ACCSL: variants seen among roughly 807,000 people sequenced by gnomAD.
The protein encoded by ACCSL is 1-aminocyclopropane-1-carboxylate synthase homolog (inactive) like, also known as probable inactive 1-aminocyclopropane-1-carboxylate synthase-like protein 2.
ACCSL carries 55 observed loss-of-function variants against 61.7 expected under a neutral mutation model. That is an observed-to-expected ratio of 0.89 (90% CI 0.72 to 1.12). ACCSL has a LOEUF of 1.12. ACCSL is among the 50% of genes most tolerant of loss of function. The probability of loss-of-function intolerance (pLI) is 0.00; values close to 1 mark genes in which losing one functional copy is unlikely to be tolerated. For missense variants in ACCSL, 632 were observed against 698.0 expected (o/e 0.91, Z 1.07); for synonymous variants, 258 against 264.3 (o/e 0.98, Z 0.23).
At chr11:43,959,054 G>T in the ACCSL span, among the ~76,000 whole-genome samples, 372 of 152,206 alleles carry the variant, frequency 2.4e-3, 2 homozygotes, top group African/African-American at 8.7e-3. Context: ...ATCCATGAAG[G>T]TGGAGCCCTC....
upstream of ACCSL, chr11:44,047,935 T>G: frequency 7.0e-7 from 1 of 1,424,830 alleles, no homozygotes; most frequent in Non-Finnish European, 9.4e-7. Context: ...CATCCATTCC[T>G]GGACCTGAGG....
chr11:44,058,256 G>A, intron 11 of ACCSL, 61 bp from the exon 12 acceptor site: 2 of 1,564,060 alleles, frequency 1.3e-6, no homozygotes, highest in African/African-American at 1.4e-5. Flanking sequence ...CATTTGGGAA[G>A]GAACTCTCGG....
At chr11:43,991,957 C>G in the ACCSL span, among the ~76,000 whole-genome samples, 3 of 152,098 alleles carry the variant, frequency 2.0e-5, no homozygotes, top group African/African-American at 7.2e-5. Context: ...TATCTGGGAA[C>G]TTAAGCCCCC....
the ACCSL span, among the ~76,000 whole-genome samples, chr11:43,927,121 T>C: frequency 6.6e-6 from 1 of 152,274 alleles, no homozygotes; most frequent in Non-Finnish European, 1.5e-5. Flanking sequence ...AATTACCATC[T>C]TACTGAACTA....
the ACCSL span, among the ~76,000 whole-genome samples, chr11:44,037,113 T>C: frequency 6.6e-6 from 1 of 152,206 alleles, no homozygotes; most frequent in African/African-American, 2.4e-5. Context: ...ACTGCCTACC[T>C]CCACCTTTCC....
At chr11:44,058,816 T>C in intron 13 of ACCSL, 117 bp downstream of exon 13, 1 of 1,267,164 alleles carries the variant, frequency 7.9e-7, no homozygotes, top group Non-Finnish European at 1.1e-6. Context: ...CCTGTTTCCA[T>C]GTCTATCTTT....
the ACCSL span, among the ~76,000 whole-genome samples, chr11:43,977,058 A>G: frequency 6.6e-6 from 1 of 152,230 alleles, no homozygotes; most frequent in Non-Finnish European, 1.5e-5. Context: ...CACTGTGTTC[A>G]GGCATTCCTA....
At chr11:43,944,782 T>C in the ACCSL span, 1 of 152,430 alleles carries the variant, frequency 6.6e-6, no homozygotes, top group Admixed American at 6.5e-5. Flanking sequence ...TGGCTGCAGA[T>C]GGCCACCAAG....
the ACCSL span, among the ~76,000 whole-genome samples, chr11:43,989,256 A>G: frequency 6.6e-6 from 1 of 152,150 alleles, no homozygotes; most frequent in Non-Finnish European, 1.5e-5. Context: ...CTCACCTGTG[A>G]GATGATGACG....
At chr11:43,926,069 T>A in the ACCSL span, among the ~76,000 whole-genome samples, 1 of 152,022 alleles carries the variant, frequency 6.6e-6, no homozygotes, top group Non-Finnish European at 1.5e-5. Context: ...TCAGCAAGGG[T>A]TGGGGAGTGG....
the ACCSL span, among the ~76,000 whole-genome samples, chr11:43,938,675 C>T: frequency 5.3e-5 from 8 of 152,124 alleles, no homozygotes; most frequent in East Asian, 7.7e-4. Flanking sequence ...TGGTGGTGCA[C>T]GCCTGTAATC....
the ACCSL span, among the ~76,000 whole-genome samples, chr11:44,007,041 C>A: frequency 5.0e-4 from 76 of 152,232 alleles, no homozygotes; most frequent in African/African-American, 1.6e-3. Context: ...ACCAACACTA[C>A]CCCCGGGGGC....
intron 11 of ACCSL, 37 bp from the exon 12 acceptor site, chr11:44,058,280 T>C (rs1482672375): frequency 6.2e-7 from 1 of 1,609,002 alleles, no homozygotes; most frequent in Non-Finnish European, 8.5e-7. Context: ...ATTTCTGTAG[T>C]AATATCTGTG....
At chr11:44,052,885 T>G (rs1952648448) in intron 6 of ACCSL, 106 bp from the exon 7 acceptor site, 2 of 1,443,526 alleles carry the variant, frequency 1.4e-6, no homozygotes, top group African/African-American at 1.4e-5. Context: ...AGAAGGCATG[T>G]GGACTGGCAC....
At chr11:43,975,311 T>C in the ACCSL span, among the ~76,000 whole-genome samples, 1 of 152,256 alleles carries the variant, frequency 6.6e-6, no homozygotes, top group Admixed American at 6.5e-5. Flanking sequence ...CAAACAATGC[T>C]AAAAGTAAGA....
At chr11:44,015,580 A>G in the ACCSL span, among the ~76,000 whole-genome samples, 3 of 152,210 alleles carry the variant, frequency 2.0e-5, no homozygotes, top group African/African-American at 7.2e-5. Context: ...GGGGAGCAGA[A>G]CCCACACCAA....
At chr11:44,024,441 CTGTGTGTG>C in the ACCSL span, among the ~76,000 whole-genome samples, 11,134 of 131,904 alleles carry the variant, frequency 0.084, 472 homozygotes, top group Non-Finnish European at 0.11. Flanking sequence ...CTCTCTCTCT[CTGTGTGTG>C]TGTGTGTGTG....
the ACCSL span, among the ~76,000 whole-genome samples, chr11:43,925,806 G>T: frequency 5.3e-4 from 80 of 152,256 alleles, no homozygotes; most frequent in African/African-American, 1.7e-3. Context: ...CTCCAAGCCT[G>T]TTTCCTCCAC....
At chr11:44,019,111 A>G in the ACCSL span, among the ~76,000 whole-genome samples, 1 of 152,178 alleles carries the variant, frequency 6.6e-6, no homozygotes, top group African/African-American at 2.4e-5. Context: ...AGGTTCATCC[A>G]TGTTGGTGCA....
Sources: gnomAD v4.1 joint callset for allele counts (sites outside exome capture counted in the v4.1 genomes callset) on GRCh38, gnomAD v4.1.1 for gene constraint, MANE v1.5 for transcripts, NCBI Gene and HGNC (gene_info 2026-07-23, HGNC 2026-07-21) for gene names.